ABCC5: variants seen among roughly 807,000 people sequenced by gnomAD.
ABCC5 encodes the protein ATP binding cassette subfamily C member 5.
Under a neutral mutation model 160.9 loss-of-function variants are expected in ABCC5, and 61 were observed. That is an observed-to-expected ratio of 0.38 (90% confidence interval 0.31 to 0.47). The LOEUF (loss-of-function observed/expected upper bound fraction) is 0.47, where lower values mean the gene tolerates loss of function less well. Ranked by LOEUF, ABCC5 falls within the 20% of genes least tolerant of loss-of-function variation. ABCC5 has a pLI of 0.99. For missense variants in ABCC5, 1,308 were observed against 1,813.3 expected, an observed-to-expected ratio of 0.72 and a Z score of 5.06; for synonymous variants, 666 against 700.6, an observed-to-expected ratio of 0.95 and a Z score of 0.78.
rs532513775 is a variant in ABCC5 at position 184,007,570 on chromosome 3, A to C, written c.129+6694T>G. Among the ~76,000 whole-genome samples the C allele has an allele frequency of 2.6e-3, 401 of 152,300 alleles. 1 individual carries two copies. The highest frequency in any genetic ancestry group is 4.0e-3 in the Non-Finnish European group (269 of 68,028). ...CCCAGGCGCAGTGGCTCACACCTGT[A>C]ATCCCAGCACTTTGAGAGGCTGAGG... On this transcript the variant is annotated intron_variant, in intron 2 of 29. Coordinates refer to ENST00000334444, the MANE Select transcript of ABCC5 (RefSeq NM_005688.4).
intron 8 of ABCC5, among the ~76,000 whole-genome samples, chr3:183,980,924 G>T (rs760891559): frequency 2.6e-5 from 4 of 151,950 alleles, no homozygotes; most frequent in Non-Finnish European, 5.9e-5. Flanking sequence ...TATTGGCCAG[G>T]CTGGTCTTGA....
At chr3:183,965,631 G>T (rs1717148882) in intron 12 of ABCC5, 130 bp from the exon 13 acceptor site, 3 of 1,211,870 alleles carry the variant, frequency 2.5e-6, no homozygotes, top group African/African-American at 3.0e-5. Context: ...CCCAAATCCA[G>T]ATTCCACCTT....
Position 183,949,652 on chromosome 3 carries a change from T to C in ABCC5, c.3227+101A>G. On this transcript the variant is annotated intron_variant, in intron 22 of 29. Transcript: ENST00000334444. This position sits in a 1 kb window ranked among gnomAD's most constrained non-coding sequence, Gnocchi z 4.2. ...ATCATGAATACCCTTGGTAATGAGGTTTATAATCCCCATCTCTGGCCTTGA... is the reference window on the plus strand; with the variant it reads ...ATCATGAATACCCTTGGTAATGAGGCTTATAATCCCCATCTCTGGCCTTGA... 7.0e-7 allele frequency: 1 copy of C among 1,428,740 alleles called. No homozygotes were observed. Among genetic ancestry groups the C allele is most frequent in the Non-Finnish European group, 9.5e-7 (1 of 1,053,738 alleles). 88.5% of individuals were successfully genotyped at this position (1,428,740 alleles called of 1,614,324 possible). A position where few individuals can be genotyped will look rare whatever the true frequency, so the allele number is the denominator to read the frequency against.
At chr3:183,945,975 A>C in intron 23 of ABCC5, 36 bp from the exon 24 acceptor site, 1 of 1,582,102 alleles carries the variant, frequency 6.3e-7, no homozygotes, top group Non-Finnish European at 8.7e-7. Flanking sequence ...GAGATAATTC[A>C]TTATCAATAC....
chr3:183,993,483 C>CAAA (rs57885159), intron 2 of ABCC5, among the ~76,000 whole-genome samples: 234 of 105,278 alleles, frequency 2.2e-3, no homozygotes, highest in South Asian at 0.013. Context: ...GACCCTGTCT[C>CAAA]AAAAAAAAAA....
intron 14 of ABCC5, among the ~76,000 whole-genome samples, chr3:183,964,582 G>A (rs1275052480): frequency 6.6e-6 from 1 of 152,178 alleles, no homozygotes; most frequent in Non-Finnish European, 1.5e-5. Context: ...CTGATCTGGG[G>A]ACATGGATTT....
chr3:183,973,795 C>G (rs969185595), intron 10 of ABCC5, among the ~76,000 whole-genome samples: 3 of 152,168 alleles, frequency 2.0e-5, no homozygotes, highest in Non-Finnish European at 4.4e-5. Context: ...GAGTAACATG[C>G]CAAACATTTT....
At chr3:183,966,602 C>A (rs1717237668) in intron 12 of ABCC5, among the ~76,000 whole-genome samples, 1 of 152,114 alleles carries the variant, frequency 6.6e-6, no homozygotes, top group African/African-American at 2.4e-5. Flanking sequence ...TTCTCCCCCT[C>A]CCCCCATCTC....
rs989871260 is a variant in ABCC5, at chr3:183,965,501, T to C, written c.1834A>G (p.Met612Val). The C allele has an allele frequency of 1.2e-6, 2 of 1,613,572 alleles. No individual in the cohort carries two copies. Among genetic ancestry groups the C allele is most frequent in the Non-Finnish European group, 1.7e-6 (2 of 1,180,004 alleles). The change falls in exon 13 of 30, where the codon ATG becomes GTG. Residue 612 changes from methionine to valine, a missense_variant and splice_region_variant. Coordinates refer to ENST00000334444, the MANE Select transcript of ABCC5 (RefSeq NM_005688.4). ...GCAATGCTGCCCTCTAGAAGCGTCA[T>C]CTAGGGAGAGAGACACCATCCAATG... is the stretch of plus-strand genomic sequence containing the variant. ...TSLISAILGQ[M>V]TLLEGSIAIS...
intron 11 of ABCC5, among the ~76,000 whole-genome samples, chr3:183,970,799 G>A (rs895190402): frequency 1.3e-5 from 2 of 152,076 alleles, no homozygotes; most frequent in African/African-American, 2.4e-5. Context: ...ATTTGCTCAC[G>A]ACCTGTCTGT....
At chr3:183,945,579 A>G (rs59191147) in intron 24 of ABCC5, among the ~76,000 whole-genome samples, 12,168 of 152,258 alleles carry the variant, frequency 0.08, 1,643 homozygotes, top group African/African-American at 0.28. Flanking sequence ...AAAATGCTCC[A>G]TTAGTCAGTT....
chr3:183,955,649 T>C (rs1196007039), intron 17 of ABCC5, among the ~76,000 whole-genome samples: 5 of 146,190 alleles, frequency 3.4e-5, no homozygotes, highest in African/African-American at 7.5e-5. Context: ...CGTGTGTATA[T>C]CACATCGGTT....
intron 2 of ABCC5, chr3:184,006,508 C>T (rs1241434142): frequency 9.9e-5 from 15 of 152,126 alleles, no homozygotes; most frequent in African/African-American, 1.7e-4. Flanking sequence ...CAAATTCACA[C>T]GTCCTTAGTC....
chr3:183,963,781 A>C lies in ABCC5; in HGVS notation c.2032-193T>G, dbSNP rs1413404975. ...TTCAACGAAGTGGGGGAGTTGGCCCAGATGCCTCTTCCTCTACCACTGCCA... is the reference window on the plus strand; with the variant it reads ...TTCAACGAAGTGGGGGAGTTGGCCCCGATGCCTCTTCCTCTACCACTGCCA... On this transcript the variant is annotated intron_variant, in intron 14 of 29. Transcript: ENST00000334444. The surrounding 1 kb of genome is among the most constrained non-coding windows in gnomAD (Gnocchi z 4.6). Among the ~76,000 whole-genome samples, 1 of 152,144 alleles carries C rather than the reference A, an allele frequency of 6.6e-6. No individual in the cohort carries two copies. Among genetic ancestry groups the C allele is most frequent in the Non-Finnish European group, 1.5e-5 (1 of 68,034 alleles).
intron 2 of ABCC5, among the ~76,000 whole-genome samples, chr3:184,012,453 T>C (rs1441855225): frequency 1.3e-5 from 2 of 152,224 alleles, no homozygotes; most frequent in African/African-American, 4.8e-5. Context: ...CATTTACTCC[T>C]CAGTGATCCC....
In ABCC5 at chr3:183,949,816, G is replaced by C. The variant is rs180766285; in HGVS notation, c.3164C>G (p.Thr1055Arg). ...ITQSPFLSHITSSIQGLATIH... is the reference protein window; with the variant it reads ...ITQSPFLSHIRSSIQGLATIH... ...GGTGGCAAGGCCCTGTATGCTGGACGTGATGTGGGAGAGGAAAGGTGACTG... is the reference window on the plus strand; with the variant it reads ...GGTGGCAAGGCCCTGTATGCTGGACCTGATGTGGGAGAGGAAAGGTGACTG... The change falls in exon 22 of 30, where the codon ACG (threonine) becomes AGG (arginine). Residue 1055 changes from threonine (T) to arginine (R), a missense_variant. By Grantham distance (71) the Thr-to-Arg change is moderately conservative (BLOSUM62 -1). Around this residue, in one of 3 missense-constraint regions of ABCC5, gnomAD observed 1,142 missense variants for 1,527.1 expected, o/e 0.75. Transcript: ENST00000334444. The surrounding 1 kb of genome is among the most constrained non-coding windows in gnomAD (Gnocchi z 4.2). The C allele has an allele frequency of 1.1e-5, 18 of 1,614,188 alleles. No individual in the cohort carries two copies. The highest frequency in any genetic ancestry group is 1.4e-5 in the Non-Finnish European group (16 of 1,180,038).
intron 2 of ABCC5, among the ~76,000 whole-genome samples, chr3:184,010,833 T>TGTTGCCTGG (rs1263907092): frequency 1.3e-5 from 2 of 150,292 alleles, no homozygotes; most frequent in Non-Finnish European, 3.0e-5. Context: ...AGTCTCACTC[T>TGTTGCCTGG]GTTGCCCAGG....
At chr3:183,927,171 T>C (rs1474519387) in intron 28 of ABCC5, among the ~76,000 whole-genome samples, 159 bp downstream of exon 28, 1 of 152,198 alleles carries the variant, frequency 6.6e-6, no homozygotes, top group Non-Finnish European at 1.5e-5. Flanking sequence ...AGAACCAATA[T>C]ACCCAAATTG....
chr3:183,935,567 G>A (rs1443214736), intron 26 of ABCC5, among the ~76,000 whole-genome samples: 1 of 152,042 alleles, frequency 6.6e-6, no homozygotes, highest in Non-Finnish European at 1.5e-5. Flanking sequence ...GCAGTGGGAC[G>A]ATCTCAGCTC....
Sources: allele counts gnomAD v4.1 joint callset (sites outside exome capture counted in the v4.1 genomes callset), GRCh38; gene constraint gnomAD v4.1.1; regional missense constraint gnomAD v4.1.1; non-coding constraint Gnocchi (gnomAD v3.1); transcripts MANE v1.5; gene names NCBI Gene and HGNC (gene_info 2026-07-23, HGNC 2026-07-21).